Variants in PRPF4 observed in about 807,000 individuals in gnomAD.
The protein encoded by PRPF4 is U4/U6 small nuclear ribonucleoprotein Prp4.
A neutral mutation model predicts 72.2 loss-of-function variants in PRPF4; 14 were observed. That is an observed-to-expected ratio of 0.19 (90% CI 0.13 to 0.30). The LOEUF (loss-of-function observed/expected upper bound fraction) is 0.30, where lower values mean the gene tolerates loss of function less well. Among genes scored for constraint, PRPF4 ranks in the 10% least tolerant of loss-of-function variants. PRPF4 has a pLI of 1.00. For synonymous variants in PRPF4, 225 were observed against 232.2 expected, an observed-to-expected ratio of 0.97 and a Z score of 0.28; for missense variants, 478 against 653.9, an observed-to-expected ratio of 0.73 and a Z score of 2.93.
At chr9:113,286,373 C>G (rs997983760) in intron 8 of PRPF4, 83 bp downstream of exon 8, 1 of 1,236,308 alleles carries the variant, frequency 8.1e-7, no homozygotes, top group Non-Finnish European at 1.2e-6. Context: ...ACACTCAGAC[C>G]CCATACACAC....
At chr9:113,291,434 T>G in intron 13 of PRPF4, 33 bp from the exon 14 acceptor site, 1 of 1,561,240 alleles carries the variant, frequency 6.4e-7, no homozygotes, top group Non-Finnish European at 8.7e-7. Flanking sequence ...ATACTTGAAT[T>G]CCTCAAGCAA....
At chr9:113,284,491 T>C in intron 7 of PRPF4, 102 bp downstream of exon 7, 1 of 947,896 alleles carries the variant, frequency 1.1e-6, no homozygotes, top group Non-Finnish European at 1.7e-6. Flanking sequence ...CCTCTTTCTC[T>C]GCTTCTCATG....
chr9:113,288,337 G>C, intron 10 of PRPF4, 73 bp downstream of exon 10: 1 of 1,411,412 alleles, frequency 7.1e-7, no homozygotes, highest in Non-Finnish European at 9.8e-7. Flanking sequence ...CTATCTGCCA[G>C]GTAAATTTTT....
chr9:113,283,076 A>G (rs970487165), intron 4 of PRPF4, 56 bp from the exon 5 acceptor site: 1 of 1,611,920 alleles, frequency 6.2e-7, no homozygotes, highest in African/African-American at 1.3e-5. Context: ...AATGACAGTT[A>G]TAAGAGGAGT....
chr9:113,290,850 G>C (rs1383559310), intron 12 of PRPF4, 43 bp downstream of exon 12: 3 of 1,612,148 alleles, frequency 1.9e-6, no homozygotes, highest in Non-Finnish European at 2.5e-6. Context: ...AGGGTTCTGG[G>C]TCAGTAAGTA....
chr9:113,279,764 G>A (rs573277993), intron 3 of PRPF4, among the ~76,000 whole-genome samples: 1 of 152,192 alleles, frequency 6.6e-6, no homozygotes, highest in African/African-American at 2.4e-5. Flanking sequence ...GTTTTGAATT[G>A]GATAAACATT....
intron 6 of PRPF4, 111 bp downstream of exon 6, chr9:113,283,593 C>T: frequency 9.4e-7 from 1 of 1,059,478 alleles, no homozygotes; most frequent in Non-Finnish European, 1.4e-6. Flanking sequence ...TGATTCCTCC[C>T]TGCTTAAGTT....
intron 6 of PRPF4, among the ~76,000 whole-genome samples, 160 bp downstream of exon 6, chr9:113,283,642 G>A (rs992191002): frequency 1.8e-4 from 27 of 152,172 alleles, no homozygotes; most frequent in African/African-American, 6.5e-4. Flanking sequence ...AGTTAATGTG[G>A]CAGGAGCTTA....
chr9:113,290,515 C>G lies in PRPF4; in HGVS notation c.1072C>G (p.Leu358Val). 6.2e-7 allele frequency: 1 copy of G among 1,614,170 alleles called. No individual in the cohort carries two copies. Among genetic ancestry groups the G allele is most frequent in the Non-Finnish European group, 8.5e-7 (1 of 1,180,024 alleles). Residue 358 changes from leucine to valine, a missense_variant, in exon 11 of 14, where the codon CTG (leucine) becomes GTG (valine). Leu to Val is a conservative substitution (Grantham distance 32). Coordinates refer to ENST00000374198, the MANE Select transcript of PRPF4 (RefSeq NM_001244926.2). Reference sequence around the variant, plus strand: ...GGATTTGGAGGCTCAAGAGGAGATCCTGCATCAGGAAGGCCATAGCATGGG... The same window carrying G: ...GGATTTGGAGGCTCAAGAGGAGATCGTGCATCAGGAAGGCCATAGCATGGG... ...LWDLEAQEEI[L>V]HQEGHSMGVY...
At chr9:113,281,458 A>G (rs1832282533) in intron 3 of PRPF4, among the ~76,000 whole-genome samples, 1 of 152,198 alleles carries the variant, frequency 6.6e-6, no homozygotes, top group South Asian at 2.1e-4. Flanking sequence ...TCACTACAAC[A>G]GTACTGTCTG....
chr9:113,279,740 C>T (rs985305182), intron 3 of PRPF4, among the ~76,000 whole-genome samples: 2 of 152,172 alleles, frequency 1.3e-5, no homozygotes, highest in Admixed American at 6.5e-5. Flanking sequence ...CCTTGCCTCC[C>T]CTCCCCAGTG....
chr9:113,280,886 G>A (rs1269024454), intron 3 of PRPF4, among the ~76,000 whole-genome samples: 4 of 151,788 alleles, frequency 2.6e-5, no homozygotes, highest in Non-Finnish European at 1.5e-5. Context: ...TGTCACCCAG[G>A]GTGGAGTGCG....
intron 3 of PRPF4, among the ~76,000 whole-genome samples, chr9:113,281,760 C>G (rs2118606414): frequency 6.6e-6 from 1 of 152,258 alleles, no homozygotes; most frequent in East Asian, 1.9e-4. Context: ...TAACTGAGGA[C>G]TCAATTTACA....
At chr9:113,288,634 A>G (rs1041906963) in intron 10 of PRPF4, among the ~76,000 whole-genome samples, 3 of 151,956 alleles carry the variant, frequency 2.0e-5, no homozygotes, top group African/African-American at 7.3e-5. Flanking sequence ...ACAGGGTTTC[A>G]CCATGTTGGC....
intron 6 of PRPF4, among the ~76,000 whole-genome samples, chr9:113,284,088 A>G (rs1832363224): frequency 6.7e-6 from 1 of 149,024 alleles, no homozygotes; most frequent in Non-Finnish European, 1.5e-5. Flanking sequence ...AAAAAAAAAG[A>G]CTATAGAAAA....
intron 11 of PRPF4, 31 bp downstream of exon 11, chr9:113,290,619 T>A: frequency 6.2e-7 from 1 of 1,614,112 alleles, no homozygotes; most frequent in Non-Finnish European, 8.5e-7. Context: ...TCAGGGGCAG[T>A]TCAGTACTCT....
chr9:113,278,999 C>T lies in PRPF4; in HGVS notation c.260C>T (p.Ala87Val). Residue 87 changes from alanine to valine, a missense_variant, in exon 3 of 14, where the codon GCT (alanine) becomes GTT (valine). Ala to Val is a moderately conservative substitution (Grantham distance 64, BLOSUM62 0). Transcript: ENST00000374198. ...HISERQAEVL[A>V]EFERRKRARQ... ...AGCGAGCGACAGGCAGAAGTATTGGCTGAGTTTGAGAGAAGGAAGCGAGCC... is the reference window on the plus strand; with the variant it reads ...AGCGAGCGACAGGCAGAAGTATTGGTTGAGTTTGAGAGAAGGAAGCGAGCC... 1 of 1,614,174 alleles carries T rather than the reference C, an allele frequency of 6.2e-7. No individual in the cohort carries two copies. The highest frequency in any genetic ancestry group is 8.5e-7 in the Non-Finnish European group (1 of 1,180,030).
chr9:113,281,057 GAACACCTCCTC>G (rs1832265716), intron 3 of PRPF4, among the ~76,000 whole-genome samples: 1 of 151,962 alleles, frequency 6.6e-6, no homozygotes, highest in South Asian at 2.1e-4. Flanking sequence ...GCCAGGTGTT[GAACACCTCCTC>G]AAGTGATCCT....
In PRPF4 at chr9:113,276,653, G is replaced by A. The variant is rs1832107495; in HGVS notation, c.133G>A (p.Gly45Arg). 1 of 1,614,130 alleles carries A rather than the reference G, an allele frequency of 6.2e-7. No individual in the cohort carries two copies. Among genetic ancestry groups the A allele is most frequent in the Middle Eastern group, 1.6e-4 (1 of 6,062 alleles). The change falls in exon 2 of 14, where the codon GGA becomes AGA. Residue 45 changes from glycine to arginine, a missense_variant. Coordinates refer to ENST00000374198, the MANE Select transcript of PRPF4 (RefSeq NM_001244926.2). ...GAAGGAGAGGGAGCGTCTGGCCAAAGGAGAGTCTGGGATTTTGGGGAAAGA... is the reference window on the plus strand; with the variant it reads ...GAAGGAGAGGGAGCGTCTGGCCAAAAGAGAGTCTGGGATTTTGGGGAAAGA... Reference protein sequence around the residue: ...EEKERERLAKGESGILGKDGL... With the variant: ...EEKERERLAKRESGILGKDGL...
Sources: gnomAD v4.1 joint callset for allele counts (sites outside exome capture counted in the v4.1 genomes callset) on GRCh38, gnomAD v4.1.1 for gene constraint, MANE v1.5 for transcripts, NCBI Gene and HGNC (gene_info 2026-07-23, HGNC 2026-07-21) for gene names.